The following ABRAXAS2 variants were observed in gnomAD, a reference collection of about 807,000 sequenced individuals.
The protein encoded by ABRAXAS2 is abraxas 2, BRISC complex subunit.
In ABRAXAS2, 23 loss-of-function variants were observed where a neutral mutation model predicts 49.0. The ratio of observed to expected loss-of-function variants is 0.47; its 90% confidence interval spans 0.34 to 0.66. The LOEUF (loss-of-function observed/expected upper bound fraction) is 0.66, where lower values mean the gene tolerates loss of function less well. ABRAXAS2 is among the 30% of genes least tolerant of loss of function. ABRAXAS2 has a pLI of 0.01. For missense variants in ABRAXAS2, 443 were observed against 511.9 expected (o/e 0.87, Z 1.30); for synonymous variants, 168 against 180.2 (o/e 0.93, Z 0.54).
intron 6 of ABRAXAS2, 133 bp downstream of exon 6, chr10:124,829,008 A>AT: frequency 1.2e-6 from 1 of 803,084 alleles, no homozygotes; most frequent in South Asian, 2.0e-5. Flanking sequence ...CAGTAAGGTA[A>AT]TTGTCTAGAT....
At chr10:124,822,791 CAAA>C (rs538474876) in intron 4 of ABRAXAS2, among the ~76,000 whole-genome samples, 9 of 65,738 alleles carry the variant, frequency 1.4e-4, no homozygotes, top group Admixed American at 1.8e-4. Flanking sequence ...GACTCCAACT[CAAA>C]AAAAAAAAAA....
chr10:124,802,533 G>A (rs534025744), intron 1 of ABRAXAS2, among the ~76,000 whole-genome samples: 1 of 152,276 alleles, frequency 6.6e-6, no homozygotes, highest in South Asian at 2.1e-4. Context: ...CAGTGAAATA[G>A]GGAAGTGACA....
intron 8 of ABRAXAS2, 84 bp from the exon 9 acceptor site, chr10:124,834,418 A>G: frequency 8.6e-7 from 1 of 1,164,134 alleles, no homozygotes. Flanking sequence ...ATTTTCCAGA[A>G]CATTCAGGTT....
In ABRAXAS2 at chr10:124,836,097, A is replaced by G. The variant is rs1262134985; in HGVS notation, c.*1126A>G. ...TGAAACCACTAAGACATTCAGGAGCATGTTGAGCTTCTGGTTTGGAAACAG... is the reference window on the plus strand; with the variant it reads ...TGAAACCACTAAGACATTCAGGAGCGTGTTGAGCTTCTGGTTTGGAAACAG... On this transcript the variant is annotated 3_prime_UTR_variant, in exon 9 of 9. Coordinates refer to ENST00000298492, the MANE Select transcript of ABRAXAS2 (RefSeq NM_032182.4). The G allele has an allele frequency of 6.6e-6, 1 of 152,588 alleles. No individual in the cohort carries two copies. The highest frequency in any genetic ancestry group is 2.4e-5 in the African/African-American group (1 of 41,436). The allele number at this position is 152,588 out of a possible 1,614,324, so 9.5% of individuals were successfully genotyped here.
chr10:124,815,257 C>T (rs1407625857), intron 2 of ABRAXAS2, among the ~76,000 whole-genome samples: 6 of 151,482 alleles, frequency 4.0e-5, no homozygotes, highest in Admixed American at 2.0e-4. Context: ...TGCAGTGGCG[C>T]GATCTGGGTT....
intron 3 of ABRAXAS2, among the ~76,000 whole-genome samples, chr10:124,818,335 G>A (rs2134165040): frequency 6.6e-6 from 1 of 151,546 alleles, no homozygotes; most frequent in African/African-American, 2.4e-5. Context: ...GGTGGAGCTT[G>A]GAGAGAGCCG....
chr10:124,806,919 T>C lies in ABRAXAS2; in HGVS notation c.161T>C (p.Ile54Thr), dbSNP rs771597361. The C allele has an allele frequency of 3.8e-6, 6 of 1,597,962 alleles. No individual in the cohort carries two copies. In the South Asian group the frequency reaches 4.5e-5, roughly 12 times the overall value. The change falls in exon 2 of 9, where the codon ATT becomes ACT. Residue 54 changes from isoleucine to threonine, a missense_variant and splice_region_variant. Ile to Thr is a moderately conservative substitution (Grantham distance 89). Coordinates refer to ENST00000298492, the MANE Select transcript of ABRAXAS2 (RefSeq NM_032182.4). ...QISNTEFLQV[I>T]EIHNHQPCSK... The stretch of plus-strand genomic sequence containing the variant: ...AGCAACACAGAATTTCTGCAAGTAA[T>C]TGGTAAGTAAATTTCTCAATGACCT...
intron 1 of ABRAXAS2, among the ~76,000 whole-genome samples, chr10:124,802,816 G>C (rs1301971101): frequency 6.6e-6 from 1 of 152,120 alleles, no homozygotes; most frequent in East Asian, 1.9e-4. Context: ...AAAGCAAAAT[G>C]GTACACTGCA....
chr10:124,817,603 C>G lies in ABRAXAS2; in HGVS notation c.200+991C>G, dbSNP rs917365645. ...CAGCGTTCTTGATCAGCAGTTCCTT[C>G]CGTAACGCCAGCCAGCCCTTTCTGC... On this transcript the variant is annotated intron_variant, in intron 3 of 8. Transcript: ENST00000298492. Among the ~76,000 whole-genome samples the G allele has an allele frequency of 2.0e-5, 3 of 152,160 alleles. No individual in the cohort carries two copies. The East Asian group carries it at 5.8e-4, about 29-fold the overall frequency.
chr10:124,812,982 A>G (rs1950799775), intron 2 of ABRAXAS2, among the ~76,000 whole-genome samples: 1 of 152,148 alleles, frequency 6.6e-6, no homozygotes, highest in South Asian at 2.1e-4. Flanking sequence ...CAGGCAGATC[A>G]CCTGAGGTCA....
chr10:124,811,679 A>G (rs1055746162), intron 2 of ABRAXAS2, among the ~76,000 whole-genome samples: 4 of 151,332 alleles, frequency 2.6e-5, no homozygotes, highest in South Asian at 2.1e-4. Context: ...CGGAGCTTGC[A>G]GTGAGCAGAG....
chr10:124,807,181 C>T (rs937007032), intron 2 of ABRAXAS2, among the ~76,000 whole-genome samples: 5 of 151,708 alleles, frequency 3.3e-5, no homozygotes, highest in African/African-American at 9.7e-5. Context: ...GGCATGGTGG[C>T]GGACGCCTGT....
chr10:124,826,447 A>G (rs1950896411), intron 4 of ABRAXAS2, 148 bp from the exon 5 acceptor site: 8 of 671,344 alleles, frequency 1.2e-5, no homozygotes, highest in Non-Finnish European at 2.0e-5. Context: ...CTGTTTATCC[A>G]TGCTCCTGCT....
intron 5 of ABRAXAS2, among the ~76,000 whole-genome samples, chr10:124,827,778 T>A (rs1950906172): frequency 6.6e-6 from 1 of 151,752 alleles, no homozygotes; most frequent in African/African-American, 2.4e-5. Context: ...ACCCCTATGA[T>A]TATATGATCA....
intron 4 of ABRAXAS2, among the ~76,000 whole-genome samples, chr10:124,824,317 C>A (rs1400417935): frequency 6.6e-6 from 1 of 152,184 alleles, no homozygotes; most frequent in Non-Finnish European, 1.5e-5. Context: ...TGGCAGATCA[C>A]TGGAGGTCAG....
rs775950577 is a variant in ABRAXAS2, at chr10:124,834,982, G to C, written c.*11G>C. The C allele has an allele frequency of 1.9e-6, 3 of 1,571,250 alleles. No homozygotes were observed. The highest frequency in any genetic ancestry group is 2.6e-6 in the Non-Finnish European group (3 of 1,159,876). On this transcript the variant is annotated 3_prime_UTR_variant, in exon 9 of 9. Transcript: ENST00000298492. ...ACCTCCCAGATTTAACTAAACAAAA[G>C]AAACTCTCCACCTAGCACTGTTTTT...
Position 124,806,826 on chromosome 10 carries a change from T to G in ABRAXAS2, c.73-5T>G. On this transcript the variant is annotated splice_polypyrimidine_tract_variant and splice_region_variant and intron_variant, in intron 1 of 8. Transcript: ENST00000298492. ...TCTGCAATTATTTTCTTTAATTACT[T>G]TTAGGAAGGATTTTTACTGGGAGAG... 6.3e-7 allele frequency: 1 copy of G among 1,589,704 alleles called. No individual in the cohort carries two copies. The highest frequency in any genetic ancestry group is 8.6e-7 in the Non-Finnish European group (1 of 1,164,562).
chr10:124,818,480 T>C (rs528736049), intron 3 of ABRAXAS2, among the ~76,000 whole-genome samples: 11 of 152,220 alleles, frequency 7.2e-5, no homozygotes, highest in African/African-American at 2.6e-4. Context: ...CCAAACTCCT[T>C]ATTTTGCAAA....
intron 4 of ABRAXAS2, among the ~76,000 whole-genome samples, chr10:124,822,004 A>C (rs1262123477): frequency 6.6e-6 from 1 of 152,232 alleles, no homozygotes; most frequent in Non-Finnish European, 1.5e-5. Flanking sequence ...ATAGTTGAGA[A>C]AACTAAGGTT....
Sources: allele counts gnomAD v4.1 joint callset (sites outside exome capture counted in the v4.1 genomes callset), GRCh38; gene constraint gnomAD v4.1.1; transcripts MANE v1.5; gene names NCBI Gene and HGNC (gene_info 2026-07-23, HGNC 2026-07-21).